The following SHROOM4 variants were observed in gnomAD, a reference collection of about 807,000 sequenced individuals.
SHROOM4 encodes the protein shroom family member 4, also known as protein Shroom4.
In SHROOM4, 17 loss-of-function variants were observed where a neutral mutation model predicts 80.3. The observed-to-expected ratio is 0.21, with a 90% CI of 0.14 to 0.32. The LOEUF (loss-of-function observed/expected upper bound fraction) is 0.32. Ranked by LOEUF, SHROOM4 falls within the 10% of genes least tolerant of loss-of-function variation. The probability of loss-of-function intolerance (pLI) is 1.00; values close to 1 mark genes in which losing one functional copy is unlikely to be tolerated. For missense variants in SHROOM4, 993 were observed against 1,140.3 expected (o/e 0.87, Z 1.86); for synonymous variants, 400 against 437.5 (o/e 0.91, Z 1.07).
At chrX:50,768,581 G>A (rs950409963) in intron 1 of SHROOM4, among the ~76,000 whole-genome samples, 15 of 111,957 alleles carry the variant, frequency 1.3e-4, no homozygotes, top group Non-Finnish European at 2.6e-4. Context: ...TTCGAGTTTG[G>A]TCATTCTGTA....
At chrX:50,654,287 A>G (rs1932224889) in intron 2 of SHROOM4, among the ~76,000 whole-genome samples, 2 of 111,192 alleles carry the variant, frequency 1.8e-5, no homozygotes, top group African/African-American at 6.5e-5. Flanking sequence ...GCTTCTTTTC[A>G]TTAAGGCTTT....
chrX:50,693,389 A>C (rs1933274066), intron 2 of SHROOM4, among the ~76,000 whole-genome samples: 1 of 109,686 alleles, frequency 9.1e-6, no homozygotes, highest in African/African-American at 3.3e-5. Context: ...CAACATGGTG[A>C]AACTCCGTCT....
chrX:50,614,652 G>A (rs1367565635), intron 5 of SHROOM4, among the ~76,000 whole-genome samples: 4 of 112,314 alleles, frequency 3.6e-5, no homozygotes, highest in Non-Finnish European at 7.5e-5. Flanking sequence ...CTCCTAGGGA[G>A]GGCAATTTGG....
Position 50,635,303 on chromosome X carries a change from C to G in SHROOM4, c.770G>C (p.Arg257Pro), listed in dbSNP as rs376604578. The change falls in exon 4 of 9, where the codon CGT (arginine) becomes CCT (proline). Residue 257 changes from arginine (R) to proline (P), a missense_variant. Physicochemically the swap from Arg to Pro is moderately radical, Grantham distance 103 (BLOSUM62 -2). Transcript: ENST00000376020. ...HLTPSSQMSS[R>P]PQEGYQSGPA... is the part of the protein sequence containing the mutation. ...CCCTGACTGGTATCCCTCCTGTGGA[C>G]GGGATGACATCTGAGAGCTGGGGGT... 8.3e-7 allele frequency: 1 copy of G among 1,200,752 alleles called. No individual in the cohort carries two copies.
intron 5 of SHROOM4, among the ~76,000 whole-genome samples, chrX:50,618,383 C>T (rs1930400313): frequency 1.7e-5 from 1 of 60,281 alleles, no homozygotes. Context: ...TTCCTTCCTT[C>T]CTTCCTTCCT....
At chrX:50,699,553 A>T (rs1247375268) in intron 1 of SHROOM4, among the ~76,000 whole-genome samples, 1 of 112,554 alleles carries the variant, frequency 8.9e-6, no homozygotes, top group African/African-American at 3.2e-5. Context: ...TGACTAATTA[A>T]CATCCATCTC....
rs1454509730 is a variant in SHROOM4 at position 50,590,472 on chromosome X, G to A, written c.*6223C>T. 9.0e-6 allele frequency among the ~76,000 whole-genome samples: 1 copy of A among 110,689 alleles called. No individual in the cohort carries two copies. The highest frequency in any genetic ancestry group is 3.3e-5 in the African/African-American group (1 of 30,376). On this transcript the variant is annotated 3_prime_UTR_variant, in exon 9 of 9. Transcript: ENST00000376020. ...TCACCGTGTTAGCCAGGATGGTTGC[G>A]ATCTCCTGACCTCCTGATCCGCCCG...
At position 50,591,250 on chromosome X, in the gene SHROOM4, T is replaced by A. The variant is rs955915569; in HGVS notation, c.*5445A>T. Among the ~76,000 whole-genome samples the A allele has an allele frequency of 8.9e-6, 1 of 112,226 alleles. No individual in the cohort carries two copies. The highest frequency in any genetic ancestry group is 3.2e-5 in the African/African-American group (1 of 30,909). ...TTCTGGACTCTCAATTTAATTCCAT[T>A]TATTTATACACCTACCCTTGTGTCT... On this transcript the variant is annotated 3_prime_UTR_variant, in exon 9 of 9. Coordinates refer to ENST00000376020, the MANE Select transcript of SHROOM4 (RefSeq NM_020717.5).
At chrX:50,598,912 G>A (rs180824269) in intron 7 of SHROOM4, among the ~76,000 whole-genome samples, 5 of 111,031 alleles carry the variant, frequency 4.5e-5, no homozygotes, top group Non-Finnish European at 9.4e-5. Flanking sequence ...TGCAACCTCC[G>A]CCTCTCAGGT....
chrX:50,653,913 C>T (rs1557259215), intron 2 of SHROOM4, among the ~76,000 whole-genome samples: 1 of 111,716 alleles, frequency 9.0e-6, no homozygotes, highest in Non-Finnish European at 1.9e-5. Flanking sequence ...GGGATGAAGC[C>T]GACTTGATCG....
At chrX:50,798,517 G>C (rs1350802495) in intron 1 of SHROOM4, among the ~76,000 whole-genome samples, 1 of 111,255 alleles carries the variant, frequency 9.0e-6, no homozygotes, top group Non-Finnish European at 1.9e-5. Flanking sequence ...CACAGAAAGG[G>C]GCTTTGGGGC....
At chrX:50,578,205 T>C in the SHROOM4 span, among the ~76,000 whole-genome samples, 2 of 112,729 alleles carry the variant, frequency 1.8e-5, no homozygotes, top group Admixed American at 1.9e-4. Context: ...TTTAGCAACA[T>C]TGAATACAAG....
chrX:50,651,247 T>G (rs1400099830), intron 2 of SHROOM4, among the ~76,000 whole-genome samples: 1 of 112,080 alleles, frequency 8.9e-6, no homozygotes, highest in Non-Finnish European at 1.9e-5. Flanking sequence ...AAGTACCATT[T>G]GTAAAGCCAT....
chrX:50,696,018 G>A, intron 1 of SHROOM4, 81 bp from the exon 2 acceptor site: 1 of 1,092,654 alleles, frequency 9.2e-7, no homozygotes, highest in Non-Finnish European at 1.3e-6. Flanking sequence ...TCCAACCCTG[G>A]AGCCACAAGT....
At chrX:50,686,516 T>C (rs1385730782) in intron 2 of SHROOM4, among the ~76,000 whole-genome samples, 1 of 111,779 alleles carries the variant, frequency 8.9e-6, no homozygotes, top group Non-Finnish European at 1.9e-5. Flanking sequence ...TTTAAATCTG[T>C]TTTATTAACT....
rs147346673 is a variant in SHROOM4, at chrX:50,716,690, G to A, written c.118-20753C>T. ...CCACACAGCTAATATGAACTCAGTG[G>A]ATACTTTGAATCTACCCTATTGTTT... On this transcript the variant is annotated intron_variant, in intron 1 of 8. Coordinates refer to ENST00000376020, the MANE Select transcript of SHROOM4 (RefSeq NM_020717.5). 1.9e-3 allele frequency among the ~76,000 whole-genome samples: 215 copies of A among 111,721 alleles called. 1 individual carries two copies. The highest frequency in any genetic ancestry group is 6.7e-3 in the African/African-American group (207 of 30,725).
intron 5 of SHROOM4, among the ~76,000 whole-genome samples, chrX:50,611,310 G>A (rs1222764061): frequency 3.7e-5 from 4 of 109,238 alleles, no homozygotes; most frequent in Non-Finnish European, 5.7e-5. Flanking sequence ...TACCGCGCCC[G>A]GCTAATTTTT....
At chrX:50,702,761 T>C (rs1019420921) in intron 1 of SHROOM4, among the ~76,000 whole-genome samples, 2 of 112,007 alleles carry the variant, frequency 1.8e-5, no homozygotes, top group African/African-American at 3.2e-5. Context: ...TTTTACTATA[T>C]GTAAATTATT....
intron 2 of SHROOM4, among the ~76,000 whole-genome samples, chrX:50,645,449 CAG>C (rs781974732): frequency 1.1e-4 from 12 of 112,086 alleles, no homozygotes; most frequent in African/African-American, 3.6e-4. Flanking sequence ...GGTTTGTTAT[CAG>C]TGTGACCCTG....
Sources: gnomAD v4.1 joint callset for allele counts (sites outside exome capture counted in the v4.1 genomes callset) on GRCh38, gnomAD v4.1.1 for gene constraint, MANE v1.5 for transcripts, NCBI Gene and HGNC (gene_info 2026-07-23, HGNC 2026-07-21) for gene names.